Variants in CAMK1D observed in about 807,000 individuals in gnomAD.
The protein encoded by CAMK1D is calcium/calmodulin dependent protein kinase ID.
In CAMK1D, 9 loss-of-function variants were observed where a neutral mutation model predicts 47.7. The ratio of observed to expected loss-of-function variants is 0.19; its 90% CI spans 0.11 to 0.33. The LOEUF (loss-of-function observed/expected upper bound fraction) is 0.33. Among genes scored for constraint, CAMK1D ranks in the 10% least tolerant of loss-of-function variants. The pLI is 1.00. For synonymous variants in CAMK1D, 184 were observed against 184.9 expected, an observed-to-expected ratio of 0.99 and a Z score of 0.04; for missense variants, 291 against 488.7, an observed-to-expected ratio of 0.60 and a Z score of 3.81.
Position 12,832,584 on chromosome 10 carries a change from T to A in CAMK1D, c.*3697T>A, listed in dbSNP as rs1319177586. ...AGAAAACATTCTACCCCTTCAGGTCTTCTTTTAAAAGAAAAGAGCTATGGC... is the reference window on the plus strand; with the variant it reads ...AGAAAACATTCTACCCCTTCAGGTCATCTTTTAAAAGAAAAGAGCTATGGC... On this transcript the variant is annotated 3_prime_UTR_variant, in exon 11 of 11. Coordinates refer to ENST00000619168, the MANE Select transcript of CAMK1D (RefSeq NM_153498.4). The A allele has an allele frequency of 3.3e-5, 5 of 152,238 alleles. No individual in the cohort carries two copies. The highest frequency in any genetic ancestry group is 1.2e-4 in the African/African-American group (5 of 41,460). 9.4% of individuals were successfully genotyped at this position (152,238 alleles called of 1,614,324 possible). A position where few individuals can be genotyped will look rare whatever the true frequency, so the allele number is the denominator to read the frequency against.
At chr10:12,479,544 G>A (rs977969827) in intron 1 of CAMK1D, among the ~76,000 whole-genome samples, 7 of 152,196 alleles carry the variant, frequency 4.6e-5, no homozygotes, top group African/African-American at 1.4e-4. Flanking sequence ...TGCTGCCGCC[G>A]CTGCTGTGGG....
intron 6 of CAMK1D, among the ~76,000 whole-genome samples, chr10:12,801,728 A>G (rs1378144683): frequency 6.6e-6 from 1 of 152,158 alleles, no homozygotes; most frequent in East Asian, 1.9e-4. Flanking sequence ...TCATCTATCT[A>G]TATCTATCCA....
intron 5 of CAMK1D, among the ~76,000 whole-genome samples, chr10:12,788,269 C>T (rs1329610526): frequency 6.6e-6 from 1 of 152,218 alleles, no homozygotes; most frequent in Non-Finnish European, 1.5e-5. Context: ...TAGCTCACTG[C>T]AGCCTCCAAC....
chr10:12,559,327 G>A (rs1177414400), intron 2 of CAMK1D, among the ~76,000 whole-genome samples: 6 of 152,088 alleles, frequency 3.9e-5, no homozygotes, highest in Admixed American at 6.5e-5. Context: ...ATGCTGATGC[G>A]CAGGCCCCAT....
At chr10:12,564,802 T>C (rs1837070795) in intron 2 of CAMK1D, among the ~76,000 whole-genome samples, 2 of 152,330 alleles carry the variant, frequency 1.3e-5, no homozygotes, top group South Asian at 2.1e-4. Context: ...CTGCAATAGA[T>C]GTAGTGTTTT....
chr10:12,710,183 C>T (rs1444140835), intron 3 of CAMK1D, among the ~76,000 whole-genome samples: 3 of 152,248 alleles, frequency 2.0e-5, no homozygotes, highest in Non-Finnish European at 1.5e-5. Flanking sequence ...TAACTATCAG[C>T]TTCACAGACA....
chr10:12,409,926 G>A (rs567276885), intron 1 of CAMK1D, among the ~76,000 whole-genome samples: 56 of 152,180 alleles, frequency 3.7e-4, no homozygotes, highest in Admixed American at 5.9e-4. Flanking sequence ...GCCTATTCTC[G>A]GTACCTCAGA....
rs117405165 is a variant in CAMK1D at position 12,666,134 on chromosome 10, T to A, written c.225-602T>A. ...AACCACACTTTGAGTAGCACTGATC[T>A]AGTTTGCTTGGGAAGCTGAAGTGAC... On this transcript the variant is annotated intron_variant, in intron 2 of 10. Coordinates refer to ENST00000619168, the MANE Select transcript of CAMK1D (RefSeq NM_153498.4). Among the ~76,000 whole-genome samples the A allele has an allele frequency of 1.1e-3, 173 of 152,130 alleles. 3 individuals carry two copies. In the East Asian group the frequency reaches 0.028, roughly 24 times the overall value.
At chr10:12,571,468 A>AG (rs1379925993) in intron 2 of CAMK1D, among the ~76,000 whole-genome samples, 14 of 150,926 alleles carry the variant, frequency 9.3e-5, no homozygotes, top group African/African-American at 2.7e-4. Flanking sequence ...AAAAAAAAAA[A>AG]AAAGAAAAAA....
intron 2 of CAMK1D, among the ~76,000 whole-genome samples, chr10:12,662,399 A>C (rs10906198): frequency 0.068 from 10,299 of 152,264 alleles, 513 homozygotes; most frequent in East Asian, 0.21. Flanking sequence ...CACGCCTGTA[A>C]TCCCAGCACT....
intron 1 of CAMK1D, among the ~76,000 whole-genome samples, chr10:12,517,965 T>C (rs1415392305): frequency 6.6e-6 from 1 of 152,216 alleles, no homozygotes; most frequent in African/African-American, 2.4e-5. Flanking sequence ...AGAATTGGTA[T>C]TATTTTTTAC....
At chr10:12,437,242 A>G (rs1008199799) in intron 1 of CAMK1D, among the ~76,000 whole-genome samples, 1 of 152,082 alleles carries the variant, frequency 6.6e-6, no homozygotes, top group Non-Finnish European at 1.5e-5. Context: ...CCCAGGCTGG[A>G]GTGCAGTGGC....
intron 1 of CAMK1D, among the ~76,000 whole-genome samples, chr10:12,357,527 G>C (rs1837553684): frequency 6.6e-6 from 1 of 152,138 alleles, no homozygotes; most frequent in Non-Finnish European, 1.5e-5. Flanking sequence ...TGTTGCCCAG[G>C]CTGGTCTAAA....
intron 2 of CAMK1D, among the ~76,000 whole-genome samples, chr10:12,614,292 G>A (rs944579042): frequency 1.3e-5 from 2 of 152,160 alleles, no homozygotes; most frequent in Non-Finnish European, 2.9e-5. Context: ...TGTTCACTTG[G>A]TGTTGTCATT....
intron 1 of CAMK1D, among the ~76,000 whole-genome samples, chr10:12,505,600 GTC>G (rs1834845904): frequency 6.6e-6 from 1 of 152,160 alleles, no homozygotes; most frequent in Non-Finnish European, 1.5e-5. Context: ...CAAAAGCAGT[GTC>G]TCTCCTTTAT....
At chr10:12,746,964 A>G (rs1835710494) in intron 3 of CAMK1D, among the ~76,000 whole-genome samples, 2 of 152,216 alleles carry the variant, frequency 1.3e-5, no homozygotes, top group Non-Finnish European at 1.5e-5. Context: ...GTAACAGCCA[A>G]TAGGAGGTAT....
chr10:12,532,974 G>T (rs1455886856), intron 1 of CAMK1D, among the ~76,000 whole-genome samples: 1 of 149,648 alleles, frequency 6.7e-6, no homozygotes, highest in Non-Finnish European at 1.5e-5. Context: ...TGGGTAGGAA[G>T]TGGGGATGGT....
chr10:12,570,266 T>C (rs1307454668), intron 2 of CAMK1D, among the ~76,000 whole-genome samples: 3 of 152,158 alleles, frequency 2.0e-5, no homozygotes, highest in Non-Finnish European at 4.4e-5. Flanking sequence ...CATCTTTGAA[T>C]TACTCTGAAT....
rs143627346 is a variant in CAMK1D at position 12,543,687 on chromosome 10, A to G, written c.93-9538A>G. On this transcript the variant is annotated intron_variant, in intron 1 of 10. Coordinates refer to ENST00000619168, the MANE Select transcript of CAMK1D (RefSeq NM_153498.4). ...TTTAGCCAAGGCATCCTTAGGGCAC[A>G]CGCATTTTTGTGTTGCTTTTTCAGA... is the stretch of plus-strand genomic sequence containing the variant. Among the ~76,000 whole-genome samples the G allele has an allele frequency of 3.3e-5, 5 of 152,202 alleles. No individual in the cohort carries two copies. In the East Asian group the frequency reaches 9.6e-4, roughly 29 times the overall value.
Sources: allele counts gnomAD v4.1 joint callset (sites outside exome capture counted in the v4.1 genomes callset), GRCh38; gene constraint gnomAD v4.1.1; transcripts MANE v1.5; gene names NCBI Gene and HGNC (gene_info 2026-07-23, HGNC 2026-07-21).